OR11G2: variants seen among roughly 807,000 people sequenced by gnomAD.
OR11G2 encodes the protein olfactory receptor 11G2.
In OR11G2, 2 loss-of-function variants were observed where a neutral mutation model predicts 0.9. That is an observed-to-expected ratio of 2.35 (90% CI 0.96 to 7.38). The LOEUF (loss-of-function observed/expected upper bound fraction) is 7.38, where lower values mean the gene tolerates loss of function less well. OR11G2 is among the 30% of genes most tolerant of loss of function. The probability of loss-of-function intolerance (pLI) is 0.05; values close to 1 mark genes in which losing one functional copy is unlikely to be tolerated. For missense variants in OR11G2, 395 were observed against 371.3 expected (o/e 1.06, Z -0.52); for synonymous variants, 153 against 142.0 (o/e 1.08, Z -0.55).
rs758063205 is a variant in OR11G2 at position 20,197,463 on chromosome 14, A to G, written c.26A>G (p.Asn9Ser). 2.5e-6 allele frequency: 4 copies of G among 1,613,514 alleles called. No individual in the cohort carries two copies. The highest frequency in any genetic ancestry group is 3.4e-6 in the Non-Finnish European group (4 of 1,179,924). The change falls in exon 2 of 2, where the codon AAC becomes AGC. Residue 9 changes from asparagine to serine, a missense_variant. Asn to Ser is a conservative substitution (Grantham distance 46, BLOSUM62 1). Coordinates refer to ENST00000641879, the MANE Select transcript of OR11G2 (RefSeq NM_001386033.1). The part of the protein sequence containing the change: MKIFNSPS[N>S]SSTFTGFILL... ...ATGAAAATCTTCAACAGCCCCAGCA[A>G]CTCCAGCACCTTCACTGGCTTCATC...
At chr14:20,197,231 A>G in intron 1 of OR11G2, 3 of 698,488 alleles carry the variant, frequency 4.3e-6, no homozygotes, top group East Asian at 2.8e-5. Flanking sequence ...GAACGCGAGC[A>G]AAGAATCAAT....
intron 1 of OR11G2, among the ~76,000 whole-genome samples, chr14:20,197,069 A>T (rs1379511996): frequency 6.6e-6 from 1 of 152,216 alleles, no homozygotes; most frequent in Non-Finnish European, 1.5e-5. Flanking sequence ...TATATCCATA[A>T]ATACATATTC....
intron 1 of OR11G2, among the ~76,000 whole-genome samples, chr14:20,195,600 C>T (rs995616628): frequency 6.6e-6 from 1 of 152,158 alleles, no homozygotes; most frequent in Non-Finnish European, 1.5e-5. Flanking sequence ...ACCCCATCAC[C>T]AACAAAACTG....
In OR11G2 at chr14:20,200,243, C is replaced by T. The variant is rs573896191; in HGVS notation, c.*1870C>T. 1.3e-4 allele frequency: 20 copies of T among 151,108 alleles called. No individual in the cohort carries two copies. The highest frequency in any genetic ancestry group is 4.8e-4 in the African/African-American group (20 of 41,248). 9.4% of individuals were successfully genotyped at this position (151,108 alleles called of 1,614,324 possible). ...CTTTGAAAAGTAACCCTGAATTTCT[C>T]TTTAGGACTTCTCACTTATTTGCCA... On this transcript the variant is annotated 3_prime_UTR_variant, in exon 2 of 2. Coordinates refer to ENST00000641879, the MANE Select transcript of OR11G2 (RefSeq NM_001386033.1).
chr14:20,194,944 T>C (rs1879722135), intron 1 of OR11G2, among the ~76,000 whole-genome samples: 1 of 152,204 alleles, frequency 6.6e-6, no homozygotes, highest in African/African-American at 2.4e-5. Flanking sequence ...CTGTCTGCTT[T>C]GAGTTCCCTT....
chr14:20,194,970 T>C (rs1950784239), intron 1 of OR11G2, among the ~76,000 whole-genome samples: 1 of 152,166 alleles, frequency 6.6e-6, no homozygotes, highest in South Asian at 2.1e-4. Flanking sequence ...AAGATAAATA[T>C]GCAGTCTCAG....
rs1157110514 is a variant in OR11G2, at chr14:20,199,176, C to T, written c.*803C>T. 6.6e-6 allele frequency: 1 copy of T among 152,254 alleles called. No individual in the cohort carries two copies. The highest frequency in any genetic ancestry group is 2.4e-5 in the African/African-American group (1 of 41,432). The allele number at this position is 152,254 out of a possible 1,614,324, so 9.4% of individuals were successfully genotyped here. A position where few individuals can be genotyped will look rare whatever the true frequency, so the allele number is the denominator to read the frequency against. On this transcript the variant is annotated 3_prime_UTR_variant, in exon 2 of 2. Coordinates refer to ENST00000641879, the MANE Select transcript of OR11G2 (RefSeq NM_001386033.1). ...TCAGTACTTCTTGAACCCCATGACT[C>T]CTGAAACTTCCGCTTTGCTCTTTAG...
rs776407873 is a variant in OR11G2, at chr14:20,198,108, T to C, written c.671T>C (p.Leu224Pro). The C allele has an allele frequency of 2.4e-5, 38 of 1,614,156 alleles. No individual in the cohort carries two copies. Among genetic ancestry groups the C allele is most frequent in the Non-Finnish European group, 3.1e-5 (37 of 1,180,022 alleles). Reference protein sequence around the residue: ...LFLFIVGSYALVVRAVLRVPS... With the variant: ...LFLFIVGSYAPVVRAVLRVPS... The stretch of plus-strand genomic sequence containing the variant: ...CTCTTCATTGTGGGGTCCTATGCTC[T>C]GGTCGTGAGAGCTGTGTTGAGGGTC... Residue 224 changes from leucine (L) to proline (P), a missense_variant, in exon 2 of 2, where the codon CTG (leucine) becomes CCG (proline). Leu to Pro is a moderately conservative substitution (Grantham distance 98). Coordinates refer to ENST00000641879, the MANE Select transcript of OR11G2 (RefSeq NM_001386033.1).
At chr14:20,191,891 ATTTTTTTTTTT>A (rs34333327) in intron 1 of OR11G2, among the ~76,000 whole-genome samples, 1 of 117,030 alleles carries the variant, frequency 8.5e-6, no homozygotes, top group African/African-American at 3.1e-5. Context: ...CCCAACTGGC[ATTTTTTTTTTT>A]TTTTTTTTGA....
In OR11G2 at chr14:20,197,813, C is replaced by T. The variant is rs772866289; in HGVS notation, c.376C>T (p.Arg126Ter). The T allele has an allele frequency of 4.3e-6, 7 of 1,613,898 alleles. No homozygotes were observed. The highest frequency in any genetic ancestry group is 5.9e-6 in the Non-Finnish European group (7 of 1,179,994). Residue 126 changes from arginine to a stop codon, truncating the protein, a stop_gained, in exon 2 of 2, where the codon CGA becomes TGA. Transcript: ENST00000641879. LOFTEE classifies it low-confidence loss of function (END_TRUNC). ...CFFLAVMAFD[R>*]YLAICRPLRY... is the part of the protein sequence containing the mutation. Reference sequence around the variant, plus strand: ...TTTCCTGGCAGTTATGGCATTTGATCGATACCTTGCCATCTGTCGGCCTCT... The same window carrying T: ...TTTCCTGGCAGTTATGGCATTTGATTGATACCTTGCCATCTGTCGGCCTCT...
chr14:20,198,486 T>C lies in OR11G2; in HGVS notation c.*113T>C, dbSNP rs1879827277. 3 of 723,034 alleles carry C rather than the reference T, an allele frequency of 4.1e-6. No homozygotes were observed. In the South Asian group the frequency reaches 5.7e-5, roughly 14 times the overall value. 44.8% of individuals were successfully genotyped at this position (723,034 alleles called of 1,614,324 possible). ...GCTTACGCCTGTAATCCCAGCACTT[T>C]GGGAGCCCGAGGCGGGTGGATCACG... On this transcript the variant is annotated 3_prime_UTR_variant, in exon 2 of 2. Transcript: ENST00000641879.
At chr14:20,195,484 G>A (rs1051102994) in intron 1 of OR11G2, among the ~76,000 whole-genome samples, 7 of 152,188 alleles carry the variant, frequency 4.6e-5, no homozygotes, top group African/African-American at 1.7e-4. Context: ...ACATTGCAGT[G>A]AGCTGCAATT....
In OR11G2 at chr14:20,199,281, G is replaced by A. The variant is rs572613144; in HGVS notation, c.*908G>A. On this transcript the variant is annotated 3_prime_UTR_variant, in exon 2 of 2. Transcript: ENST00000641879. ...CTTAGAAATCCAAAAATGCCTTGAAGGGGAATTGCATCATATTTTTAGCCT... is the reference window on the plus strand; with the variant it reads ...CTTAGAAATCCAAAAATGCCTTGAAAGGGAATTGCATCATATTTTTAGCCT... The A allele has an allele frequency of 6.6e-6, 1 of 152,336 alleles. No homozygotes were observed. Among genetic ancestry groups the A allele is most frequent in the Non-Finnish European group, 1.5e-5 (1 of 68,044 alleles). The allele number at this position is 152,336 out of a possible 1,614,324, so 9.4% of individuals were successfully genotyped here.
rs1314514382 is a variant in OR11G2, at chr14:20,196,138, A to C, written c.-4-1296A>C. 3.9e-5 allele frequency among the ~76,000 whole-genome samples: 6 copies of C among 152,312 alleles called. No homozygotes were observed. The East Asian group carries it at 1.2e-3, about 29-fold the overall frequency. On this transcript the variant is annotated intron_variant, in intron 1 of 1. Coordinates refer to ENST00000641879, the MANE Select transcript of OR11G2 (RefSeq NM_001386033.1). The stretch of plus-strand genomic sequence containing the variant: ...GAAAGGGTTTACAGTTGTCTCTGGT[A>C]ATTTTACCTCGTCCTCCCTGGTAGA...
chr14:20,197,135 A>C (rs940039170), intron 1 of OR11G2, among the ~76,000 whole-genome samples: 2 of 152,212 alleles, frequency 1.3e-5, no homozygotes, highest in Non-Finnish European at 2.9e-5. Context: ...ATGCCTGAAA[A>C]TTATAATGGC....
At position 20,191,625 on chromosome 14, in the gene OR11G2, C is replaced by A. The variant is rs1036927453; in HGVS notation, c.-46C>A. ...CCAGTTTAGCCCTGTGCCAGGTAAA[C>A]ACTGCTGCTGCTCTCTGTACAGAGG... On this transcript the variant is annotated 5_prime_UTR_variant, in exon 1 of 2. Coordinates refer to ENST00000641879, the MANE Select transcript of OR11G2 (RefSeq NM_001386033.1). 6.6e-6 allele frequency: 1 copy of A among 152,262 alleles called. No homozygotes were observed. The allele number at this position is 152,262 out of a possible 1,614,324, so 9.4% of individuals were successfully genotyped here. A position where few individuals can be genotyped will look rare whatever the true frequency, so the allele number is the denominator to read the frequency against.
rs1052494532 is a variant in OR11G2 at position 20,197,826 on chromosome 14, T to C, written c.389T>C (p.Ile130Thr). 6.2e-7 allele frequency: 1 copy of C among 1,614,032 alleles called. No individual in the cohort carries two copies. Among genetic ancestry groups the C allele is most frequent in the Admixed American group, 1.7e-5 (1 of 60,000 alleles). ...AVMAFDRYLAICRPLRYPTIM... is the reference protein window; with the variant it reads ...AVMAFDRYLATCRPLRYPTIM... ...ATGGCATTTGATCGATACCTTGCCA[T>C]CTGTCGGCCTCTACGCTATCCAACC... is the stretch of plus-strand genomic sequence containing the variant. Residue 130 changes from isoleucine to threonine, a missense_variant, in exon 2 of 2, where the codon ATC (isoleucine) becomes ACC (threonine). Ile to Thr is a moderately conservative substitution (Grantham distance 89). Coordinates refer to ENST00000641879, the MANE Select transcript of OR11G2 (RefSeq NM_001386033.1).
rs1879783320 is a variant in OR11G2 at position 20,197,625 on chromosome 14, T to A, written c.188T>A (p.Met63Lys). Residue 63 changes from methionine (M) to lysine (K), a missense_variant, in exon 2 of 2, where the codon ATG becomes AAG. Coordinates refer to ENST00000641879, the MANE Select transcript of OR11G2 (RefSeq NM_001386033.1). ...TGGGATCAGAGACTCCACGCCCCCA[T>A]GTACATCCTGCTCGCCAACTTCTCC... Reference protein sequence around the residue: ...VHWDQRLHAPMYILLANFSFL... With the variant: ...VHWDQRLHAPKYILLANFSFL... 6.2e-7 allele frequency: 1 copy of A among 1,614,064 alleles called. No homozygotes were observed. Among genetic ancestry groups the A allele is most frequent in the Non-Finnish European group, 8.5e-7 (1 of 1,180,032 alleles).
In OR11G2 at chr14:20,198,224, T is replaced by A. The variant is rs761296800; in HGVS notation, c.787T>A (p.Tyr263Asn). 2 of 1,614,052 alleles carry A rather than the reference T, an allele frequency of 1.2e-6. No individual in the cohort carries two copies. The highest frequency in any genetic ancestry group is 1.7e-5 in the Admixed American group (1 of 60,004). ...SLFYGSVLVMYGSPPSKNEAG... is the reference protein window; with the variant it reads ...SLFYGSVLVMNGSPPSKNEAG... ...GTTCTACGGCTCAGTACTGGTCATG[T>A]ATGGGAGCCCACCATCTAAGAATGA... The change falls in exon 2 of 2, where the codon TAT (tyrosine) becomes AAT (asparagine). Residue 263 changes from tyrosine (Y) to asparagine (N), a missense_variant. Coordinates refer to ENST00000641879, the MANE Select transcript of OR11G2 (RefSeq NM_001386033.1).
Sources: allele counts gnomAD v4.1 joint callset (sites outside exome capture counted in the v4.1 genomes callset), GRCh38; gene constraint gnomAD v4.1.1; transcripts MANE v1.5; gene names NCBI Gene and HGNC (gene_info 2026-07-23, HGNC 2026-07-21).